Variants in DIP2C observed in about 807,000 individuals in gnomAD.
DIP2C encodes DIP2 acetate--CoA ligase C (putative), also known as disco-interacting protein 2 homolog C.
Under a neutral mutation model 192.4 loss-of-function variants are expected in DIP2C, and 33 were observed. That is an observed-to-expected ratio of 0.17 (90% confidence interval 0.13 to 0.23). The LOEUF (loss-of-function observed/expected upper bound fraction) is 0.23, where lower values mean the gene tolerates loss of function less well. DIP2C is among the 10% of genes least tolerant of loss of function. The pLI is 1.00. For synonymous variants in DIP2C, 979 were observed against 864.1 expected (o/e 1.13, Z -2.33); for missense variants, 1,537 against 2,110.1 (o/e 0.73, Z 5.32).
At chr10:538,162 G>A (rs1031790767) in intron 1 of DIP2C, among the ~76,000 whole-genome samples, 3 of 151,998 alleles carry the variant, frequency 2.0e-5, no homozygotes, top group African/African-American at 2.4e-5. Context: ...AATGCTTCCC[G>A]AGGAGTTTTC....
intron 3 of DIP2C, among the ~76,000 whole-genome samples, chr10:454,318 A>ATCTAAC (rs1164195122): frequency 4.6e-5 from 7 of 152,200 alleles, no homozygotes; most frequent in African/African-American, 1.7e-4. Flanking sequence ...TAAATTGGTT[A>ATCTAAC]ACTAAAATAC....
rs41288735 is a variant in DIP2C, at chr10:327,054, G to C, written c.3876C>G (p.Ala1292=). The change falls in exon 31 of 37, where the codon GCC becomes GCG. Residue 1292 remains alanine (A), a synonymous_variant. Coordinates refer to ENST00000280886, the MANE Select transcript of DIP2C (RefSeq NM_014974.3). ...LFKDLGLHPR[A]VSTSFGCRVN... is the part of the protein sequence containing the mutation. ...CCCTGCAACCGAACGAGGTGCTGAC[G>C]GCCCGCGGGTGAAGGCCCAGGTCCT... 163 of 1,614,038 alleles carry C rather than the reference G, an allele frequency of 1.0e-4. No homozygotes were observed. Among genetic ancestry groups the C allele is most frequent in the Non-Finnish European group, 1.4e-4 (161 of 1,180,046 alleles).
intron 1 of DIP2C, among the ~76,000 whole-genome samples, chr10:634,895 G>A (rs981966467): frequency 5.9e-5 from 9 of 152,132 alleles, no homozygotes; most frequent in East Asian, 1.9e-4. Context: ...TGTCCTCACC[G>A]ATCCATACCT....
chr10:475,455 C>A (rs182067412), intron 2 of DIP2C, among the ~76,000 whole-genome samples: 242 of 152,294 alleles, frequency 1.6e-3, no homozygotes, highest in Non-Finnish European at 2.0e-3. Flanking sequence ...ATCTGGTCCA[C>A]TCAAACAGGC....
In DIP2C at chr10:508,633, G is replaced by A. The variant is rs547439327; in HGVS notation, c.86-22103C>T. ...ATGGATGGATGGGTGAGTGGCTGATGGACAAGTGTGATGCTGAATGGGATC... is the reference window on the plus strand; with the variant it reads ...ATGGATGGATGGGTGAGTGGCTGATAGACAAGTGTGATGCTGAATGGGATC... On this transcript the variant is annotated intron_variant, in intron 1 of 36. Transcript: ENST00000280886. 3.9e-5 allele frequency among the ~76,000 whole-genome samples: 6 copies of A among 152,270 alleles called. No homozygotes were observed. In the South Asian group the frequency reaches 1.2e-3, roughly 32 times the overall value.
chr10:292,770 G>A (rs2132213290), intron 32 of DIP2C, among the ~76,000 whole-genome samples: 1 of 152,324 alleles, frequency 6.6e-6, no homozygotes, highest in South Asian at 2.1e-4. Flanking sequence ...GAGAGCCATG[G>A]TTGAACTTCT....
chr10:545,770 T>TG (rs1848254945), intron 1 of DIP2C, among the ~76,000 whole-genome samples: 1 of 151,922 alleles, frequency 6.6e-6, no homozygotes, highest in Admixed American at 6.6e-5. Context: ...TGAGGGAGGG[T>TG]GCAGTCCATC....
intron 1 of DIP2C, among the ~76,000 whole-genome samples, chr10:582,386 A>G (rs1430827435): frequency 6.6e-6 from 1 of 152,204 alleles, no homozygotes; most frequent in African/African-American, 2.4e-5. Context: ...ACAGAGTCAC[A>G]CCGGGGCAAC....
At chr10:342,069 T>C (rs2132565130) in intron 28 of DIP2C, among the ~76,000 whole-genome samples, 1 of 152,288 alleles carries the variant, frequency 6.6e-6, no homozygotes, top group East Asian at 1.9e-4. Context: ...TCAGAACTGT[T>C]GGTCCTCCAG....
At chr10:526,943 C>G (rs986386234) in intron 1 of DIP2C, among the ~76,000 whole-genome samples, 1 of 152,226 alleles carries the variant, frequency 6.6e-6, no homozygotes, top group Non-Finnish European at 1.5e-5. Context: ...AGCAACTCAT[C>G]CAAGTCTGTT....
At chr10:471,645 G>A (rs184906444) in intron 3 of DIP2C, among the ~76,000 whole-genome samples, 9 of 152,220 alleles carry the variant, frequency 5.9e-5, no homozygotes, top group African/African-American at 1.9e-4. Context: ...CGGTGCCCTG[G>A]GAACTACAAA....
At chr10:565,829 G>T (rs182320920) in intron 1 of DIP2C, among the ~76,000 whole-genome samples, 2 of 152,240 alleles carry the variant, frequency 1.3e-5, no homozygotes, top group South Asian at 2.1e-4. Flanking sequence ...TCCGAGGTAT[G>T]TAACAGCCTA....
At chr10:572,289 C>A (rs1849872135) in intron 1 of DIP2C, among the ~76,000 whole-genome samples, 1 of 152,258 alleles carries the variant, frequency 6.6e-6, no homozygotes, top group African/African-American at 2.4e-5. Flanking sequence ...CTAACCACAT[C>A]TCTTCTCTCA....
intron 3 of DIP2C, among the ~76,000 whole-genome samples, chr10:454,747 C>T (rs1002614641): frequency 1.3e-5 from 2 of 151,626 alleles, no homozygotes; most frequent in Non-Finnish European, 2.9e-5. Context: ...TATACAAACG[C>T]ACCCTCTATG....
intron 1 of DIP2C, among the ~76,000 whole-genome samples, chr10:502,976 C>G (rs1845345732): frequency 6.6e-6 from 1 of 152,016 alleles, no homozygotes; most frequent in Non-Finnish European, 1.5e-5. Flanking sequence ...AGCATAAATC[C>G]TGGCAGGACA....
At chr10:424,305 T>C (rs1297189875) in intron 4 of DIP2C, among the ~76,000 whole-genome samples, 1 of 151,516 alleles carries the variant, frequency 6.6e-6, no homozygotes, top group Non-Finnish European at 1.5e-5. Context: ...AAAGTTTACT[T>C]GTTAGAAAAG....
At chr10:320,999 C>G (rs1337547587) in intron 31 of DIP2C, among the ~76,000 whole-genome samples, 3 of 116,578 alleles carry the variant, frequency 2.6e-5, no homozygotes, top group Non-Finnish European at 5.1e-5. Context: ...AGGCCGAGCA[C>G]AGTGTCCGGG....
intron 1 of DIP2C, among the ~76,000 whole-genome samples, chr10:587,166 G>GAC (rs1207785373): frequency 6.6e-6 from 1 of 150,968 alleles, no homozygotes; most frequent in Non-Finnish European, 1.5e-5. Context: ...GGTCCCTGCT[G>GAC]ACAGTGTGGC....
intron 32 of DIP2C, among the ~76,000 whole-genome samples, chr10:297,017 C>T (rs190924841): frequency 2.7e-3 from 415 of 151,762 alleles, no homozygotes; most frequent in Middle Eastern, 0.024. Flanking sequence ...TGCACATGTA[C>T]CCTAGAACTT....
Sources: allele counts gnomAD v4.1 joint callset (sites outside exome capture counted in the v4.1 genomes callset), GRCh38; gene constraint gnomAD v4.1.1; transcripts MANE v1.5; gene names NCBI Gene and HGNC (gene_info 2026-07-23, HGNC 2026-07-21).